ANAPC10: variants seen among roughly 807,000 people sequenced by gnomAD.
ANAPC10 encodes the protein anaphase-promoting complex subunit 10.
In ANAPC10, 12 loss-of-function variants were observed where a neutral mutation model predicts 22.0. The observed-to-expected ratio is 0.55, with a 90% CI of 0.35 to 0.88. The LOEUF (loss-of-function observed/expected upper bound fraction) is 0.88, where lower values mean the gene tolerates loss of function less well. ANAPC10 is among the 40% of genes least tolerant of loss of function. The pLI is 0.01. For synonymous variants in ANAPC10, 65 were observed against 69.5 expected, an observed-to-expected ratio of 0.94 and a Z score of 0.32; for missense variants, 188 against 220.9, an observed-to-expected ratio of 0.85 and a Z score of 0.94.
chr4:145,063,025 G>T (rs888868069), intron 4 of ANAPC10, among the ~76,000 whole-genome samples: 11 of 152,122 alleles, frequency 7.2e-5, no homozygotes, highest in Non-Finnish European at 1.3e-4. Flanking sequence ...AGGAGGGATT[G>T]GGGAGATGTT....
intron 4 of ANAPC10, among the ~76,000 whole-genome samples, chr4:145,042,655 T>C (rs7695409): frequency 0.45 from 68,904 of 151,800 alleles, 15,862 homozygotes; most frequent in Middle Eastern, 0.5. Context: ...CCTCACAAAT[T>C]GAAAAATATA....
intron 4 of ANAPC10, among the ~76,000 whole-genome samples, chr4:145,017,149 C>G (rs573385274): frequency 1.3e-5 from 2 of 152,264 alleles, no homozygotes; most frequent in Non-Finnish European, 1.5e-5. Context: ...AGAGCTTCTG[C>G]ACAGCAAAAG....
intron 4 of ANAPC10, among the ~76,000 whole-genome samples, chr4:145,009,161 C>T (rs1230453267): frequency 6.6e-6 from 1 of 151,994 alleles, no homozygotes; most frequent in Non-Finnish European, 1.5e-5. Context: ...AACCACAAAC[C>T]ACTCCTCAAC....
At chr4:145,079,842 A>C (rs2126578784) in intron 3 of ANAPC10, among the ~76,000 whole-genome samples, 1 of 152,264 alleles carries the variant, frequency 6.6e-6, no homozygotes, top group East Asian at 1.9e-4. Context: ...GGCTAGGTGT[A>C]GTGGCTCACA....
intron 4 of ANAPC10, among the ~76,000 whole-genome samples, chr4:145,030,903 G>T (rs1737482503): frequency 6.6e-6 from 1 of 152,228 alleles, no homozygotes. Flanking sequence ...CATCTGGCCT[G>T]TGCAGAAGAC....
At chr4:145,089,845 A>G (rs1020963822) in intron 2 of ANAPC10, among the ~76,000 whole-genome samples, 1 of 152,050 alleles carries the variant, frequency 6.6e-6, no homozygotes, top group African/African-American at 2.4e-5. Flanking sequence ...TTTATTTCTA[A>G]TCTTGCCTCA....
chr4:145,060,122 A>C (rs1242295550), intron 4 of ANAPC10, among the ~76,000 whole-genome samples: 2 of 152,100 alleles, frequency 1.3e-5, no homozygotes, highest in African/African-American at 4.8e-5. Context: ...TAAATTGCAA[A>C]CATCTTATAA....
chr4:145,029,592 C>T (rs1490291803), intron 4 of ANAPC10, among the ~76,000 whole-genome samples: 1 of 152,028 alleles, frequency 6.6e-6, no homozygotes, highest in African/African-American at 2.4e-5. Context: ...TTGATTTGGG[C>T]CCAGTAAGTA....
rs150342302 is a variant in ANAPC10, at chr4:145,053,628, T to C, written c.327+10944A>G. On this transcript the variant is annotated intron_variant, in intron 4 of 4. Coordinates refer to ENST00000507656, the MANE Select transcript of ANAPC10 (RefSeq NM_001256706.2). ...ATTCCCAAATATCTACAAATCCTTG[T>C]AGGAAGAATTCTCTTAATTCCTTTA... The C allele has an allele frequency of 7.8e-4, 343 of 440,334 alleles. 1 individual carries two copies. The highest frequency in any genetic ancestry group is 4.9e-3 in the African/African-American group (241 of 49,448). 27.3% of individuals were successfully genotyped at this position (440,334 alleles called of 1,614,324 possible). A position where few individuals can be genotyped will look rare whatever the true frequency, so the allele number is the denominator to read the frequency against.
chr4:145,070,616 C>T (rs1744355005), intron 3 of ANAPC10, among the ~76,000 whole-genome samples: 1 of 152,140 alleles, frequency 6.6e-6, no homozygotes, highest in African/African-American at 2.4e-5. Context: ...CATAGAATTA[C>T]CATATGATCC....
At chr4:145,015,062 C>G (rs1734894390) in intron 4 of ANAPC10, among the ~76,000 whole-genome samples, 1 of 151,934 alleles carries the variant, frequency 6.6e-6, no homozygotes. Context: ...TATTGGCTCA[C>G]CAGCAGTGGA....
At chr4:145,086,942 C>A (rs547870437) in intron 2 of ANAPC10, among the ~76,000 whole-genome samples, 1 of 151,978 alleles carries the variant, frequency 6.6e-6, no homozygotes, top group East Asian at 1.9e-4. Context: ...CCCCACTCTC[C>A]ATGGGAGGGA....
At chr4:145,079,336 C>T (rs1745620410) in intron 3 of ANAPC10, among the ~76,000 whole-genome samples, 1 of 151,942 alleles carries the variant, frequency 6.6e-6, no homozygotes, top group Non-Finnish European at 1.5e-5. Context: ...CCATTTCACA[C>T]ACAAGTTGGA....
At chr4:145,072,112 A>G (rs1744574491) in intron 3 of ANAPC10, among the ~76,000 whole-genome samples, 1 of 152,206 alleles carries the variant, frequency 6.6e-6, no homozygotes, top group East Asian at 1.9e-4. Context: ...AAGAAACTTT[A>G]AAGCAAGATT....
At position 145,087,419 on chromosome 4, in the gene ANAPC10, C is replaced by T. The variant is rs562495340; in HGVS notation, c.116-5669G>A. On this transcript the variant is annotated intron_variant, in intron 2 of 4. Transcript: ENST00000507656. Reference sequence around the variant, plus strand: ...TTGCCCTGGCTGGAGTACAGTGGTACGATCACAGCTCACTGCAGCCTCAAC... The same window carrying T: ...TTGCCCTGGCTGGAGTACAGTGGTATGATCACAGCTCACTGCAGCCTCAAC... 4.6e-5 allele frequency among the ~76,000 whole-genome samples: 7 copies of T among 151,960 alleles called. No homozygotes were observed. The East Asian group carries it at 9.7e-4, about 21-fold the overall frequency.
intron 4 of ANAPC10, among the ~76,000 whole-genome samples, chr4:145,046,527 C>G (rs144524460): frequency 2.6e-5 from 4 of 151,886 alleles, no homozygotes; most frequent in African/African-American, 9.7e-5. Context: ...TTTGACACAA[C>G]GGATAAAGAT....
intron 3 of ANAPC10, among the ~76,000 whole-genome samples, chr4:145,072,775 G>T (rs1280096744): frequency 6.6e-6 from 1 of 151,960 alleles, no homozygotes; most frequent in Admixed American, 6.6e-5. Flanking sequence ...TCCTTTTGGT[G>T]TTCATAATTC....
chr4:145,088,194 C>T (rs1474834386), intron 2 of ANAPC10, among the ~76,000 whole-genome samples: 1 of 152,200 alleles, frequency 6.6e-6, no homozygotes, highest in Non-Finnish European at 1.5e-5. Context: ...GACACCTCTT[C>T]CACTATTCTG....
intron 3 of ANAPC10, among the ~76,000 whole-genome samples, chr4:145,080,384 T>C (rs1327292575): frequency 2.0e-5 from 3 of 152,178 alleles, no homozygotes; most frequent in Non-Finnish European, 4.4e-5. Context: ...CTGCCTAACA[T>C]CTGCTTTTGT....
Sources: gnomAD v4.1 joint callset for allele counts (sites outside exome capture counted in the v4.1 genomes callset) on GRCh38, gnomAD v4.1.1 for gene constraint, MANE v1.5 for transcripts, NCBI Gene and HGNC (gene_info 2026-07-23, HGNC 2026-07-21) for gene names.